The following RGS5 variants were observed in gnomAD, a reference collection of about 807,000 sequenced individuals.
RGS5 encodes the protein regulator of G-protein signalling 5.
Under a neutral mutation model 18.9 loss-of-function variants are expected in RGS5, and 20 were observed. The observed-to-expected ratio is 1.06, with a 90% confidence interval of 0.74 to 1.54. The LOEUF (loss-of-function observed/expected upper bound fraction) is 1.54, where lower values mean the gene tolerates loss of function less well. Among genes scored for constraint, RGS5 ranks in the 40% most tolerant of loss-of-function variants. The pLI is 0.00. For synonymous variants in RGS5, 57 were observed against 76.2 expected (o/e 0.75, Z 1.31); for missense variants, 201 against 211.8 (o/e 0.95, Z 0.32).
intron 1 of RGS5, among the ~76,000 whole-genome samples, chr1:163,197,565 T>C (rs1015365053): frequency 3.9e-5 from 6 of 152,178 alleles, no homozygotes; most frequent in African/African-American, 1.4e-4. Flanking sequence ...TTCATCCATA[T>C]GCCTAAGGCA....
chr1:163,312,588 T>C (rs1242949774), intron 1 of RGS5, among the ~76,000 whole-genome samples: 1 of 152,202 alleles, frequency 6.6e-6, no homozygotes, highest in African/African-American at 2.4e-5. Context: ...TGAACCAGGA[T>C]TGTTTAAGGA....
At chr1:163,193,055 G>A (rs181986846) in intron 1 of RGS5, among the ~76,000 whole-genome samples, 3 of 152,250 alleles carry the variant, frequency 2.0e-5, no homozygotes, top group South Asian at 2.1e-4. Context: ...CACATACTTC[G>A]CTAATAATAA....
chr1:163,247,591 T>C, intron 2 of RGS5, among the ~76,000 whole-genome samples: 1 of 150,914 alleles, frequency 6.6e-6, no homozygotes, highest in East Asian at 1.9e-4. Context: ...TTTATATATA[T>C]ATATATATAT....
chr1:163,162,784 A>C (rs1657861648), intron 2 of RGS5: 1 of 152,140 alleles, frequency 6.6e-6, no homozygotes, highest in Non-Finnish European at 1.5e-5. Flanking sequence ...TTTCTCTCAC[A>C]GCAGGATGTG....
At chr1:163,245,475 C>G (rs1321743838) in intron 2 of RGS5, among the ~76,000 whole-genome samples, 2 of 152,202 alleles carry the variant, frequency 1.3e-5, no homozygotes, top group African/African-American at 2.4e-5. Context: ...TTAGCATTGA[C>G]ATCATTTTGC....
upstream of RGS5, among the ~76,000 whole-genome samples, chr1:163,221,972 T>C (rs1647234189): frequency 6.6e-6 from 1 of 152,250 alleles, no homozygotes; most frequent in Admixed American, 6.5e-5. Flanking sequence ...GGTTTTCACT[T>C]GGCCCTTCCT....
intron 1 of RGS5, among the ~76,000 whole-genome samples, chr1:163,208,269 A>ATC (rs1557905820): frequency 6.9e-6 from 1 of 145,908 alleles, no homozygotes; most frequent in Non-Finnish European, 1.5e-5. Flanking sequence ...AATGGCGTGA[A>ATC]CCCGGGAGGC....
intron 2 of RGS5, among the ~76,000 whole-genome samples, chr1:163,228,523 C>A (rs1012347930): frequency 6.6e-6 from 1 of 152,216 alleles, no homozygotes; most frequent in Non-Finnish European, 1.5e-5. Context: ...CCTCCTAGGC[C>A]TCCGGGCCTG....
chr1:163,217,538 A>G (rs1660245342), exon 1 of RGS5: 4 of 1,543,616 alleles, frequency 2.6e-6, no homozygotes, highest in Non-Finnish European at 3.5e-6. Flanking sequence ...TGATATGCCA[A>G]TGAGCACTGT....
intron 2 of RGS5, among the ~76,000 whole-genome samples, chr1:163,305,841 T>C (rs536010077): frequency 1.6e-4 from 25 of 152,300 alleles, no homozygotes; most frequent in Non-Finnish European, 3.1e-4. Context: ...TGTTCTTAAG[T>C]AGGGTCACTA....
chr1:163,220,438 T>C (rs972522333), upstream of RGS5, among the ~76,000 whole-genome samples: 9 of 152,192 alleles, frequency 5.9e-5, no homozygotes, highest in Admixed American at 1.3e-4. Context: ...TTAGTCATCA[T>C]ATTTTATGAA....
At chr1:163,314,737 T>A (rs939310175) in intron 1 of RGS5, among the ~76,000 whole-genome samples, 3 of 152,116 alleles carry the variant, frequency 2.0e-5, no homozygotes, top group Admixed American at 1.3e-4. Context: ...GAGAAATGAT[T>A]AATTCATGAC....
chr1:163,220,016 A>T (rs1245136885), upstream of RGS5, among the ~76,000 whole-genome samples: 1 of 152,192 alleles, frequency 6.6e-6, no homozygotes, highest in Non-Finnish European at 1.5e-5. Context: ...GAACCAATTT[A>T]CATTCCCATC....
At chr1:163,269,544 A>G (rs1648662691) in intron 2 of RGS5, among the ~76,000 whole-genome samples, 1 of 152,120 alleles carries the variant, frequency 6.6e-6, no homozygotes, top group African/African-American at 2.4e-5. Flanking sequence ...GGGCCTGGAG[A>G]CATGTTATTT....
In RGS5 at chr1:163,237,017, G is replaced by A. The variant is rs529743299; in HGVS notation, c.-280-68649C>T. Among the ~76,000 whole-genome samples, 10 of 151,820 alleles carry A rather than the reference G, an allele frequency of 6.6e-5. No homozygotes were observed. In the East Asian group the frequency reaches 1.9e-3, roughly 29 times the overall value. ...GAAAAAGGGTTCAACATCATTAGGT[G>A]TCAAAAAAAGGCACATTGAAACCAC... On this transcript the variant is annotated intron_variant, in intron 2 of 5. Coordinates refer to the RGS5 transcript ENST00000618415.
upstream of RGS5, chr1:163,203,113 C>T (rs555768362): frequency 1.7e-4 from 64 of 368,948 alleles, no homozygotes; most frequent in East Asian, 3.1e-3. Flanking sequence ...TCACAACACT[C>T]TCTTGCTAAC....
At chr1:163,248,516 TCA>T (rs1015422389) in intron 2 of RGS5, 22 of 152,214 alleles carry the variant, frequency 1.4e-4, no homozygotes, top group African/African-American at 5.1e-4. Flanking sequence ...AATCTAAGGC[TCA>T]GAGAGACTAA....
chr1:163,274,649 T>A (rs908669987), intron 2 of RGS5, among the ~76,000 whole-genome samples: 1 of 152,130 alleles, frequency 6.6e-6, no homozygotes, highest in African/African-American at 2.4e-5. Context: ...GGCATTTGAG[T>A]TGGGGGCACT....
chr1:163,285,319 C>T (rs1649114554), intron 2 of RGS5, among the ~76,000 whole-genome samples: 1 of 152,094 alleles, frequency 6.6e-6, no homozygotes. Flanking sequence ...CTTTGGGAGG[C>T]CAAGACAGGT....
Sources: allele counts gnomAD v4.1 joint callset (sites outside exome capture counted in the v4.1 genomes callset), GRCh38; gene constraint gnomAD v4.1.1; transcripts MANE v1.5; gene names NCBI Gene and HGNC (gene_info 2026-07-23, HGNC 2026-07-21).